The following XPC variants were observed in gnomAD, a reference collection of about 807,000 sequenced individuals.
XPC encodes the protein XPC complex subunit, DNA damage recognition and repair factor, also known as DNA repair protein complementing XP-C cells.
Under a neutral mutation model 95.8 loss-of-function variants are expected in XPC, and 76 were observed. The ratio of observed to expected loss-of-function variants is 0.79; its 90% confidence interval spans 0.66 to 0.96. XPC has a LOEUF of 0.96. Among genes scored for constraint, XPC ranks in the 40% least tolerant of loss-of-function variants. XPC has a pLI of 0.00. For missense variants in XPC, 1,146 were observed against 1,179.8 expected (o/e 0.97, Z 0.42); for synonymous variants, 442 against 442.1 (o/e 1.00, Z 0.00).
Position 14,145,892 on chromosome 3 carries a change from G to C in XPC, c.*49C>G, listed in dbSNP as rs777969451. ...CATGCCCAGGGCAGGTGTGGGGCCT[G>C]TAGTGGGGCAGCAGCAACTGGTGGG... On this transcript the variant is annotated 3_prime_UTR_variant, in exon 16 of 16. Transcript: ENST00000285021. The C allele has an allele frequency of 6.3e-7, 1 of 1,575,284 alleles. No homozygotes were observed. Among genetic ancestry groups the C allele is most frequent in the Non-Finnish European group, 8.7e-7 (1 of 1,155,008 alleles).
rs1695909488 is a variant in XPC, at chr3:14,156,422, A to G, written c.1946T>C (p.Leu649Pro). 1 of 1,614,044 alleles carries G rather than the reference A, an allele frequency of 6.2e-7. No individual in the cohort carries two copies. The highest frequency in any genetic ancestry group is 1.7e-5 in the Admixed American group (1 of 60,030). The change falls in exon 10 of 16, where the codon CTG becomes CCG. Residue 649 changes from leucine (L) to proline (P), a missense_variant. Physicochemically the swap from Leu to Pro is moderately conservative, Grantham distance 98. Transcript: ENST00000285021. ...CTCATATTTCAGGAGATGCCGCTTCAGGGCATACAGAGGGTGGTTCTTATA... is the reference window on the plus strand; with the variant it reads ...CTCATATTTCAGGAGATGCCGCTTCGGGGCATACAGAGGGTGGTTCTTATA... ...GLYKNHPLYALKRHLLKYEAI... is the reference protein window; with the variant it reads ...GLYKNHPLYAPKRHLLKYEAI...
In XPC at chr3:14,158,520, G is replaced by C. The variant is rs1362429856; in HGVS notation, c.1363C>G (p.Pro455Ala). The C allele has an allele frequency of 1.9e-6, 3 of 1,612,724 alleles. No homozygotes were observed. The highest frequency in any genetic ancestry group is 2.5e-6 in the Non-Finnish European group (3 of 1,179,358). The change falls in exon 9 of 16, where the codon CCC becomes GCC. Residue 455 changes from proline (P) to alanine (A), a missense_variant. Transcript: ENST00000285021. This position sits in a 1 kb window ranked among gnomAD's most constrained non-coding sequence, Gnocchi z 5.2. ...FELSSGEASDPSDEDSEPGPP... is the reference protein window; with the variant it reads ...FELSSGEASDASDEDSEPGPP... Reference sequence around the variant, plus strand: ...CCAGGTTCGGAATCCTCATCAGAGGGATCAGAGGCTTCTCCACTGGAGAGC... The same window carrying C: ...CCAGGTTCGGAATCCTCATCAGAGGCATCAGAGGCTTCTCCACTGGAGAGC...
intron 1 of XPC, among the ~76,000 whole-genome samples, chr3:14,174,413 A>T (rs190558215): frequency 6.6e-6 from 1 of 152,344 alleles, no homozygotes; most frequent in Admixed American, 6.5e-5. Context: ...AAAGATGCTA[A>T]ACACTTCAAT....
chr3:14,151,766 T>C (rs1374778996), intron 11 of XPC: 1 of 153,998 alleles, frequency 6.5e-6, no homozygotes, highest in African/African-American at 2.4e-5. Context: ...CGCAGCACAG[T>C]GTGAAAGGAG....
chr3:14,148,370 A>T, intron 13 of XPC, 192 bp downstream of exon 13: 1 of 763,570 alleles, frequency 1.3e-6, no homozygotes, highest in Non-Finnish European at 2.1e-6. Context: ...TGCCAGTTTC[A>T]TTGGCTCCGT....
chr3:14,148,266 C>G, intron 13 of XPC: 1 of 580,666 alleles, frequency 1.7e-6, no homozygotes. Context: ...AGCTCACTAA[C>G]CAGGCAGCTG....
intron 10 of XPC, among the ~76,000 whole-genome samples, chr3:14,155,085 G>A (rs556047125): frequency 6.6e-6 from 1 of 152,094 alleles, no homozygotes; most frequent in Non-Finnish European, 1.5e-5. Flanking sequence ...TAAAGTCCCA[G>A]AACAGCAAAG....
Position 14,159,760 on chromosome 3 carries a change from A to T in XPC, c.971T>A (p.Leu324Gln). The T allele has an allele frequency of 6.4e-7, 1 of 1,563,622 alleles. No individual in the cohort carries two copies. The highest frequency in any genetic ancestry group is 8.7e-7 in the Non-Finnish European group (1 of 1,153,586). ...CCTCACCTTTGCTGTTGCTGACTTC[A>T]GAGGAATTGGCTGTAGAGACAATAC... ...RLVLSLQPIP[L>Q]KSATAKGKKP... The change falls in exon 8 of 16, where the codon CTG becomes CAG. Residue 324 changes from leucine (L) to glutamine (Q), a missense_variant. Coordinates refer to ENST00000285021, the MANE Select transcript of XPC (RefSeq NM_004628.5).
intron 9 of XPC, 33 bp downstream of exon 9, chr3:14,157,978 G>A: frequency 6.4e-7 from 1 of 1,562,972 alleles, no homozygotes; most frequent in South Asian, 1.2e-5. Context: ...TAACCTGACT[G>A]TGTCTTGGAG....
chr3:14,151,553 A>C lies in XPC; in HGVS notation c.2115+782T>G, dbSNP rs3731158. ...GTGACCAGCGCCTGCAGCCTTTCCC[A>C]CTAAGCGGAGGCCCCTCCACTCCCC... On this transcript the variant is annotated intron_variant, in intron 11 of 15. Transcript: ENST00000285021. 2.0e-3 allele frequency: 308 copies of C among 152,116 alleles called. 1 individual carries two copies. The highest frequency in any genetic ancestry group is 6.0e-3 in the African/African-American group (251 of 41,498). The allele number at this position is 152,116 out of a possible 1,614,324, so 9.4% of individuals were successfully genotyped here.
chr3:14,152,454 C>T (rs1378443655), intron 10 of XPC, 38 bp from the exon 11 acceptor site: 3 of 1,575,478 alleles, frequency 1.9e-6, no homozygotes, highest in South Asian at 2.3e-5. Flanking sequence ...TAACTCAGTC[C>T]ACAGCCCCAC....
intron 7 of XPC, among the ~76,000 whole-genome samples, chr3:14,162,210 G>A (rs147324419): frequency 6.6e-6 from 1 of 152,088 alleles, no homozygotes; most frequent in African/African-American, 2.4e-5. Flanking sequence ...GATGGCAATG[G>A]CACCCAAATT....
At chr3:14,175,432 A>G (rs2125049013) in intron 1 of XPC, among the ~76,000 whole-genome samples, 1 of 152,240 alleles carries the variant, frequency 6.6e-6, no homozygotes, top group African/African-American at 2.4e-5. Flanking sequence ...AGCTCTTATC[A>G]TCATGTGAAT....
In XPC at chr3:14,147,319, C is replaced by T; in HGVS notation, c.2575G>A (p.Glu859Lys). 3 of 1,611,986 alleles carry T rather than the reference C, an allele frequency of 1.9e-6. No homozygotes were observed. Among genetic ancestry groups the T allele is most frequent in the Non-Finnish European group, 2.5e-6 (3 of 1,179,178 alleles). The part of the protein sequence containing the change: ...KLLAKGLLIR[E>K]RLKRRYGPKS... Reference sequence around the variant, plus strand: ...GGCCCGTAGCGACGCTTCAGCCTCTCCCTGATGAGCAGACCTTTGGCCAGC... The same window carrying T: ...GGCCCGTAGCGACGCTTCAGCCTCTTCCTGATGAGCAGACCTTTGGCCAGC... The change falls in exon 15 of 16, where the codon GAG becomes AAG. Residue 859 changes from glutamate to lysine, a missense_variant. Glu to Lys is a moderately conservative substitution (Grantham distance 56). Transcript: ENST00000285021.
chr3:14,159,693 A>T (rs1696087310), intron 8 of XPC, 48 bp downstream of exon 8: 1 of 1,502,706 alleles, frequency 6.7e-7, no homozygotes, highest in African/African-American at 1.4e-5. Flanking sequence ...TAAGTGTGAC[A>T]ATTTCCTGTC....
At chr3:14,168,731 C>G (rs62234611) in intron 3 of XPC, among the ~76,000 whole-genome samples, 1 of 152,020 alleles carries the variant, frequency 6.6e-6, no homozygotes, top group Admixed American at 6.6e-5. Context: ...AAAAAAAACC[C>G]AAGTGAGAAT....
At position 14,148,724 on chromosome 3, in the gene XPC, C is replaced by T. The variant is rs377360172; in HGVS notation, c.2258G>A (p.Arg753Gln). The change falls in exon 13 of 16, where the codon CGG becomes CAG. Residue 753 changes from arginine to glutamine, a missense_variant. Physicochemically the swap from Arg to Gln is conservative, Grantham distance 43. Coordinates refer to ENST00000285021, the MANE Select transcript of XPC (RefSeq NM_004628.5). ...PPVAVDGKVP[R>Q]NEFGNVYLFL... ...GAGGTACACATTCCCAAACTCGTTCCGGGGCACCTGTGTCGGGTGAGCAAG... is the reference window on the plus strand; with the variant it reads ...GAGGTACACATTCCCAAACTCGTTCTGGGGCACCTGTGTCGGGTGAGCAAG... 41 of 1,613,980 alleles carry T rather than the reference C, an allele frequency of 2.5e-5. No homozygotes were observed. Among genetic ancestry groups the T allele is most frequent in the Middle Eastern group, 3.3e-4 (2 of 6,060 alleles).
rs3731090 is a variant in XPC at position 14,168,977 on chromosome 3, G to A, written c.413-597C>T. Among the ~76,000 whole-genome samples the A allele has an allele frequency of 7.2e-4, 109 of 152,316 alleles. 1 individual carries two copies. The South Asian group carries it at 0.021, about 29-fold the overall frequency. ...CTTCATTAGCAAAAGTTCCTTAAAA[G>A]AGGCTCTGGGCCTAGAAGCCATGAC... On this transcript the variant is annotated intron_variant, in intron 3 of 15. Transcript: ENST00000285021.
chr3:14,164,783 A>G, intron 7 of XPC, 30 bp downstream of exon 7: 2 of 1,608,772 alleles, frequency 1.2e-6, no homozygotes, highest in Non-Finnish European at 1.7e-6. Context: ...CAGTACTGAT[A>G]AAAAACAGTG....
Sources: gnomAD v4.1 joint callset for allele counts (sites outside exome capture counted in the v4.1 genomes callset) on GRCh38, gnomAD v4.1.1 for gene constraint, Gnocchi (gnomAD v3.1) non-coding constraint, MANE v1.5 for transcripts, NCBI Gene and HGNC (gene_info 2026-07-23, HGNC 2026-07-21) for gene names.